PKIB: variants seen among roughly 807,000 people sequenced by gnomAD.
PKIB encodes the protein cAMP-dependent protein kinase inhibitor beta, also known as PKI-beta.
A neutral mutation model predicts 4.5 loss-of-function variants in PKIB; 2 were observed. The ratio of observed to expected loss-of-function variants is 0.44; its 90% confidence interval spans 0.18 to 1.39. The LOEUF (loss-of-function observed/expected upper bound fraction) is 1.39, where lower values mean the gene tolerates loss of function less well. Among genes scored for constraint, PKIB ranks in the 40% most tolerant of loss-of-function variants. PKIB has a pLI of 0.27. For synonymous variants in PKIB, 38 were observed against 36.0 expected (o/e 1.06, Z -0.20); for missense variants, 94 against 92.6 (o/e 1.02, Z -0.06).
chr6:122,472,008 G>A, exon 1 of PKIB: 1 of 705,092 alleles, frequency 1.4e-6, no homozygotes, highest in Non-Finnish European at 2.2e-6. Context: ...CGGCTAATGT[G>A]GATCTGACCG....
At chr6:122,544,895 A>G (rs1562246330) in intron 2 of PKIB, among the ~76,000 whole-genome samples, 1 of 152,244 alleles carries the variant, frequency 6.6e-6, no homozygotes, top group East Asian at 1.9e-4. Flanking sequence ...AAAATATTCA[A>G]TATCACTAAT....
intron 2 of PKIB, among the ~76,000 whole-genome samples, chr6:122,524,424 T>C (rs1256850490): frequency 6.6e-6 from 1 of 152,064 alleles, no homozygotes; most frequent in Non-Finnish European, 1.5e-5. Context: ...TTGCTGCTTC[T>C]TCTTCATTGT....
chr6:122,661,729 G>A (rs1293347632), intron 2 of PKIB, among the ~76,000 whole-genome samples: 3 of 152,132 alleles, frequency 2.0e-5, no homozygotes, highest in Non-Finnish European at 2.9e-5. Context: ...GGAATGGCTG[G>A]ATCATATGGT....
intron 2 of PKIB, among the ~76,000 whole-genome samples, chr6:122,668,339 A>C (rs1386753682): frequency 1.3e-5 from 2 of 152,212 alleles, no homozygotes; most frequent in Non-Finnish European, 2.9e-5. Context: ...TGCAGTCACT[A>C]TGTGAAGAGA....
chr6:122,526,293 C>T (rs2114609298), intron 2 of PKIB, among the ~76,000 whole-genome samples: 1 of 152,260 alleles, frequency 6.6e-6, no homozygotes, highest in Non-Finnish European at 1.5e-5. Context: ...TTGAACTCTT[C>T]CCGTGAATTA....
intron 2 of PKIB, among the ~76,000 whole-genome samples, chr6:122,541,121 C>G (rs1293454175): frequency 1.3e-5 from 2 of 151,254 alleles, no homozygotes; most frequent in Admixed American, 1.3e-4. Flanking sequence ...ACTGATGGGT[C>G]TTGACTCTTT....
chr6:122,632,327 C>T (rs550660001), intron 1 of PKIB, among the ~76,000 whole-genome samples: 31 of 152,244 alleles, frequency 2.0e-4, no homozygotes, highest in East Asian at 3.9e-4. Flanking sequence ...TTACTGGCCT[C>T]ACATCTAGAA....
intron 2 of PKIB, among the ~76,000 whole-genome samples, chr6:122,495,480 G>T (rs930955308): frequency 6.6e-6 from 1 of 151,834 alleles, no homozygotes; most frequent in East Asian, 1.9e-4. Flanking sequence ...GTGATCTGGG[G>T]ACCAGGCCAC....
chr6:122,669,358 C>T (rs1039151308), intron 2 of PKIB, among the ~76,000 whole-genome samples: 1 of 152,014 alleles, frequency 6.6e-6, no homozygotes, highest in Non-Finnish European at 1.5e-5. Flanking sequence ...GACATTTAGC[C>T]CACATTAGAT....
At chr6:122,556,987 G>A (rs2114665322) in intron 2 of PKIB, among the ~76,000 whole-genome samples, 1 of 152,338 alleles carries the variant, frequency 6.6e-6, no homozygotes, top group South Asian at 2.1e-4. Context: ...GCTGAAGTGG[G>A]TGGATTACTT....
intron 2 of PKIB, among the ~76,000 whole-genome samples, chr6:122,636,037 G>A (rs1460415141): frequency 1.3e-5 from 2 of 151,996 alleles, no homozygotes; most frequent in Non-Finnish European, 2.9e-5. Context: ...TATTCTAAAT[G>A]CTTTACAAAT....
At chr6:122,537,359 TC>T (rs1777439192) in intron 2 of PKIB, among the ~76,000 whole-genome samples, 1 of 152,008 alleles carries the variant, frequency 6.6e-6, no homozygotes, top group Non-Finnish European at 1.5e-5. Flanking sequence ...ATGTTCCCCT[TC>T]CTGTGTCCAT....
intron 3 of PKIB, among the ~76,000 whole-genome samples, chr6:122,587,738 A>G (rs573242209): frequency 8.5e-5 from 13 of 152,282 alleles, no homozygotes; most frequent in East Asian, 7.7e-4. Flanking sequence ...GTGAGATGGT[A>G]CCTCATTGTG....
At chr6:122,543,353 TC>T (rs1554219031) in intron 2 of PKIB, among the ~76,000 whole-genome samples, 7 of 140,046 alleles carry the variant, frequency 5.0e-5, no homozygotes, top group African/African-American at 1.9e-4. Context: ...CCCCACCCCC[TC>T]CTTTTTTTTT....
chr6:122,698,495 GCC>G (rs1778665465), intron 3 of PKIB, among the ~76,000 whole-genome samples: 1 of 152,184 alleles, frequency 6.6e-6, no homozygotes. Flanking sequence ...TTCCAGAAAA[GCC>G]CAGTGTGTGG....
intron 3 of PKIB, chr6:122,701,225 G>A (rs192447009): frequency 4.5e-5 from 21 of 467,496 alleles, no homozygotes; most frequent in African/African-American, 4.1e-4. Context: ...GTTCTCCATG[G>A]TGTGGCCACT....
At chr6:122,634,814 C>T (rs140290962) in intron 2 of PKIB, among the ~76,000 whole-genome samples, 3,679 of 151,842 alleles carry the variant, frequency 0.024, 63 homozygotes, top group Non-Finnish European at 0.041. Context: ...TGATGGCGGG[C>T]GCCTGTATTC....
At chr6:122,525,597 T>A (rs1228145054) in intron 2 of PKIB, among the ~76,000 whole-genome samples, 2 of 152,226 alleles carry the variant, frequency 1.3e-5, no homozygotes, top group Non-Finnish European at 2.9e-5. Context: ...ATATGTTATG[T>A]TAACACTATA....
At position 122,617,576 on chromosome 6, in the gene PKIB, A is replaced by G. The variant is rs552988026; in HGVS notation, c.-161+7041A>G. 1.5e-3 allele frequency among the ~76,000 whole-genome samples: 222 copies of G among 152,346 alleles called. 1 individual carries two copies. Among genetic ancestry groups the G allele is most frequent in the African/African-American group, 5.0e-3 (207 of 41,592 alleles). On this transcript the variant is annotated intron_variant, in intron 1 of 4. Transcript: ENST00000368452. ...TTACTCATAGATATTTATTTTTACCAACTCTTTAAAAAAGTATTTTAATTT... is the reference window on the plus strand; with the variant it reads ...TTACTCATAGATATTTATTTTTACCGACTCTTTAAAAAAGTATTTTAATTT...
Sources: allele counts gnomAD v4.1 joint callset (sites outside exome capture counted in the v4.1 genomes callset), GRCh38; gene constraint gnomAD v4.1.1; transcripts MANE v1.5; gene names NCBI Gene and HGNC (gene_info 2026-07-23, HGNC 2026-07-21).